Variants in NHSL2 observed in about 807,000 individuals in gnomAD.
NHSL2 encodes NHS like 2.
A neutral mutation model predicts 53.4 loss-of-function variants in NHSL2; 27 were observed. That is an observed-to-expected ratio of 0.51 (90% CI 0.37 to 0.70). The LOEUF is 0.70. Ranked by LOEUF, NHSL2 falls within the 30% of genes least tolerant of loss-of-function variation. The pLI, the probability that NHSL2 is intolerant of heterozygous loss-of-function variation, is 0.00. For missense variants in NHSL2, 892 were observed against 980.1 expected, an observed-to-expected ratio of 0.91 and a Z score of 1.20; for synonymous variants, 408 against 404.1, an observed-to-expected ratio of 1.01 and a Z score of -0.12.
chrX:72,007,265 A>G (rs2042098321), intron 1 of NHSL2, among the ~76,000 whole-genome samples: 1 of 112,750 alleles, frequency 8.9e-6, no homozygotes, highest in African/African-American at 3.2e-5. Context: ...GTAGAGTGGA[A>G]TAAGAAAACA....
chrX:72,104,666 A>G (rs1346191037), intron 1 of NHSL2, among the ~76,000 whole-genome samples: 2 of 111,852 alleles, frequency 1.8e-5, no homozygotes, highest in Non-Finnish European at 3.8e-5. Context: ...GGATTAGGAT[A>G]GCAGGAGAGG....
At chrX:71,991,339 G>C (rs1326125593) in intron 1 of NHSL2, among the ~76,000 whole-genome samples, 1 of 112,514 alleles carries the variant, frequency 8.9e-6, no homozygotes, top group African/African-American at 3.2e-5. Context: ...TCTTGGATTA[G>C]GTGGTGTTTA....
Sources: allele counts gnomAD v4.1 joint callset (sites outside exome capture counted in the v4.1 genomes callset), GRCh38; gene constraint gnomAD v4.1.1; transcripts MANE v1.5; gene names NCBI Gene and HGNC (gene_info 2026-07-23, HGNC 2026-07-21).